The following ATP7B variants were observed in gnomAD, a reference collection of about 807,000 sequenced individuals.
ATP7B encodes the protein copper-transporting ATPase 2.
Under a neutral mutation model 118.9 loss-of-function variants are expected in ATP7B, and 113 were observed. The ratio of observed to expected loss-of-function variants is 0.95; its 90% CI spans 0.82 to 1.11. The LOEUF (loss-of-function observed/expected upper bound fraction) is 1.11. Among genes scored for constraint, ATP7B ranks in the 50% most tolerant of loss-of-function variants. The pLI, the probability that ATP7B is intolerant of heterozygous loss-of-function variation, is 0.00. For synonymous variants in ATP7B, 777 were observed against 727.4 expected (o/e 1.07, Z -1.10); for missense variants, 1,867 against 1,871.4 (o/e 1.00, Z 0.04).
Position 51,975,028 on chromosome 13 carries a change from G to C in ATP7B, c.192C>G (p.Ile64Met). The change falls in exon 2 of 21, where the codon ATC (isoleucine) becomes ATG (methionine). Residue 64 changes from isoleucine to methionine, a missense_variant. By Grantham distance (10) the Ile-to-Met change is conservative (BLOSUM62 1). Transcript: ENST00000242839. ...SSQVATSTVR[I>M]LGMTCQSCVK... ...CACATGACTGGCAAGTCATGCCCAA[G>C]ATCCTGACTGTGCTGGTGGCCACCT... 1 of 1,614,242 alleles carries C rather than the reference G, an allele frequency of 6.2e-7. No homozygotes were observed. The highest frequency in any genetic ancestry group is 1.6e-4 in the Middle Eastern group (1 of 6,062).
chr13:51,954,513 C>G (rs910989717), intron 9 of ATP7B, among the ~76,000 whole-genome samples: 3 of 152,192 alleles, frequency 2.0e-5, no homozygotes, highest in Non-Finnish European at 4.4e-5. Flanking sequence ...GAGACAGCTG[C>G]GGTGTTTTAG....
Position 51,934,442 on chromosome 13 carries a change from T to C in ATP7B, c.*314A>G, listed in dbSNP as rs995819157. On this transcript the variant is annotated 3_prime_UTR_variant, in exon 21 of 21. Transcript: ENST00000242839. ...TCCATTTCACAGCAGTCATCCTAAA[T>C]ACTCCAAGCAGAGGTCTGTGAGGAG... 5 of 430,264 alleles carry C rather than the reference T, an allele frequency of 1.2e-5. No homozygotes were observed. The highest frequency in any genetic ancestry group is 2.2e-5 in the Non-Finnish European group (5 of 228,760). 26.7% of individuals were successfully genotyped at this position (430,264 alleles called of 1,614,324 possible).
At chr13:51,994,227 T>A (rs914682058) in intron 1 of ATP7B, among the ~76,000 whole-genome samples, 2 of 152,200 alleles carry the variant, frequency 1.3e-5, no homozygotes, top group Non-Finnish European at 2.9e-5. Flanking sequence ...ATTTAACACA[T>A]TAGTTTAGCT....
At chr13:51,991,043 G>A (rs972839688) in intron 1 of ATP7B, among the ~76,000 whole-genome samples, 4 of 151,768 alleles carry the variant, frequency 2.6e-5, no homozygotes, top group African/African-American at 9.7e-5. Context: ...AGCCAAGATC[G>A]CGCCACTGCA....
chr13:51,941,244 G>C lies in ATP7B; in HGVS notation c.3413-20C>G, dbSNP rs753758073. ...CTGCATCTATTCAAAAGAGGCTGTG[G>C]TTATTTCTAAATGGTCCAATTTCAC... is the stretch of plus-strand genomic sequence containing the variant. On this transcript the variant is annotated intron_variant, in intron 15 of 20. Transcript: ENST00000242839. The C allele has an allele frequency of 2.5e-6, 4 of 1,613,680 alleles. No individual in the cohort carries two copies. The highest frequency in any genetic ancestry group is 3.4e-6 in the Non-Finnish European group (4 of 1,179,806).
chr13:52,011,136 C>T (rs1954011877), intron 1 of ATP7B, 151 bp downstream of exon 1: 3 of 1,187,598 alleles, frequency 2.5e-6, no homozygotes, highest in East Asian at 4.7e-5. Flanking sequence ...CTAAAGGGTC[C>T]TTTTCTCCCA....
Position 51,961,877 on chromosome 13 carries a change from G to A in ATP7B, c.1906C>T (p.Pro636Ser). 6.2e-7 allele frequency: 1 copy of A among 1,614,010 alleles called. No homozygotes were observed. The highest frequency in any genetic ancestry group is 1.1e-5 in the South Asian group (1 of 91,070). ...TTGTGGTCCAAGTGATGAGCGTTGG[G>A]GTTTCTCTGGGCCAGGGAAGCATGA... Reference protein sequence around the residue: ...GFHASLAQRNPNAHHLDHKME... With the variant: ...GFHASLAQRNSNAHHLDHKME... Residue 636 changes from proline to serine, a missense_variant, in exon 6 of 21, where the codon CCC (proline) becomes TCC (serine). Physicochemically the swap from Pro to Ser is moderately conservative, Grantham distance 74. Coordinates refer to ENST00000242839, the MANE Select transcript of ATP7B (RefSeq NM_000053.4).
At position 51,940,476 on chromosome 13, in the gene ATP7B, C is replaced by T. The variant is rs568917981; in HGVS notation, c.3556+605G>A. On this transcript the variant is annotated intron_variant, in intron 16 of 20. Coordinates refer to ENST00000242839, the MANE Select transcript of ATP7B (RefSeq NM_000053.4). ...CGAGACCAGCCTGGTGAAACCCCGT[C>T]TCTACTAAAAATACAAAATGTAGCT... Among the ~76,000 whole-genome samples the T allele has an allele frequency of 9.2e-5, 14 of 151,596 alleles. No individual in the cohort carries two copies. The South Asian group carries it at 2.7e-3, about 29-fold the overall frequency.
intron 1 of ATP7B, among the ~76,000 whole-genome samples, chr13:51,996,480 C>T (rs1953214482): frequency 6.6e-6 from 1 of 152,234 alleles, no homozygotes; most frequent in Admixed American, 6.5e-5. Context: ...AGCCATACCT[C>T]CTGCTGCAAG....
At chr13:51,951,513 C>T (rs1045473988) in intron 9 of ATP7B, among the ~76,000 whole-genome samples, 4 of 152,084 alleles carry the variant, frequency 2.6e-5, no homozygotes, top group African/African-American at 9.7e-5. Flanking sequence ...AGGTAGAGAA[C>T]AAACCTGAGA....
chr13:51,975,674 T>A, intron 1 of ATP7B: 1 of 452,414 alleles, frequency 2.2e-6, no homozygotes, highest in Non-Finnish European at 4.5e-6. Context: ...TCTAGGGGTG[T>A]CTGTCTGATT....
intron 1 of ATP7B, among the ~76,000 whole-genome samples, chr13:52,000,517 T>C (rs1953441994): frequency 6.6e-6 from 1 of 152,212 alleles, no homozygotes; most frequent in African/African-American, 2.4e-5. Flanking sequence ...TCACCACCTA[T>C]AGCCTACAAT....
At position 51,934,900 on chromosome 13, in the gene ATP7B, T is replaced by C; in HGVS notation, c.4254A>G (p.Pro1418=). Residue 1418 remains proline (P), a synonymous_variant, in exon 21 of 21, where the codon CCA becomes CCG. Coordinates refer to ENST00000242839, the MANE Select transcript of ATP7B (RefSeq NM_000053.4). ...GGCTGACATAGCTGACCTGGTCCCA[T>C]GGTGTGGCCCTGGGGGAGTCCCGCC... ...DRWRDSPRAT[P]WDQVSYVSQV... is the part of the protein sequence containing the mutation. 1 of 1,614,170 alleles carries C rather than the reference T, an allele frequency of 6.2e-7. No individual in the cohort carries two copies. The highest frequency in any genetic ancestry group is 1.1e-5 in the South Asian group (1 of 91,078).
chr13:51,958,271 T>C, intron 8 of ATP7B, 40 bp downstream of exon 8: 1 of 1,594,808 alleles, frequency 6.3e-7, no homozygotes, highest in Non-Finnish European at 8.6e-7. Flanking sequence ...ATTTGTTTAC[T>C]GAAGGAGCAG....
intron 1 of ATP7B, chr13:51,978,963 T>C (rs888885164): frequency 1.3e-5 from 2 of 152,312 alleles, no homozygotes; most frequent in African/African-American, 2.4e-5. Flanking sequence ...GGATGCTTGC[T>C]GCCGGCTAGG....
In ATP7B at chr13:51,949,685, C is replaced by A. The variant is rs756253215; in HGVS notation, c.2842G>T (p.Gly948Cys). The A allele has an allele frequency of 6.2e-7, 1 of 1,613,958 alleles. No homozygotes were observed. The highest frequency in any genetic ancestry group is 8.5e-7 in the Non-Finnish European group (1 of 1,179,994). Residue 948 changes from glycine (G) to cysteine (C), a missense_variant, in exon 12 of 21, where the codon GGT becomes TGT. Physicochemically the swap from Gly to Cys is radical, Grantham distance 159. Coordinates refer to ENST00000242839, the MANE Select transcript of ATP7B (RefSeq NM_000053.4). ...ACAGGAAAGTATCTCTGAACAACAC[C>A]AAAATCGATAAAACCGATTACAATC... is the stretch of plus-strand genomic sequence containing the variant. Reference protein sequence around the residue: ...VWIVIGFIDFGVVQRYFPNPN... With the variant: ...VWIVIGFIDFCVVQRYFPNPN...
rs578079331 is a variant in ATP7B, at chr13:52,009,593, G to A, written c.51+1694C>T. Among the ~76,000 whole-genome samples the A allele has an allele frequency of 3.4e-4, 51 of 152,146 alleles. 1 individual carries two copies. Among genetic ancestry groups the A allele is most frequent in the Non-Finnish European group, 1.0e-4 (7 of 68,030 alleles). On this transcript the variant is annotated intron_variant, in intron 1 of 20. Coordinates refer to ENST00000242839, the MANE Select transcript of ATP7B (RefSeq NM_000053.4). ...AGATCTTATGTTGTAAGACTCTCAC[G>A]GCACGTTAGTAAATGTGTATGCCTT...
At chr13:51,944,554 T>C (rs1231102550) in intron 13 of ATP7B, among the ~76,000 whole-genome samples, 1 of 152,090 alleles carries the variant, frequency 6.6e-6, no homozygotes, top group Non-Finnish European at 1.5e-5. Context: ...CAGTCGGCTG[T>C]ACAGGAGATG....
At position 51,935,045 on chromosome 13, in the gene ATP7B, G is replaced by A. The variant is rs1956876671; in HGVS notation, c.4125-16C>T. The A allele has an allele frequency of 3.7e-6, 6 of 1,613,292 alleles. No individual in the cohort carries two copies. Among genetic ancestry groups the A allele is most frequent in the South Asian group, 2.2e-5 (2 of 91,046 alleles). On this transcript the variant is annotated splice_polypyrimidine_tract_variant and intron_variant, in intron 20 of 20. Coordinates refer to ENST00000242839, the MANE Select transcript of ATP7B (RefSeq NM_000053.4). ...CTTCTTATAGCTGGAAAGCAGGAACGCAACAGCATCTGAGCCATTCTAGAA... is the reference window on the plus strand; with the variant it reads ...CTTCTTATAGCTGGAAAGCAGGAACACAACAGCATCTGAGCCATTCTAGAA...
Sources: gnomAD v4.1 joint callset for allele counts (sites outside exome capture counted in the v4.1 genomes callset) on GRCh38, gnomAD v4.1.1 for gene constraint, MANE v1.5 for transcripts, NCBI Gene and HGNC (gene_info 2026-07-23, HGNC 2026-07-21) for gene names.